RYK: variants seen among roughly 807,000 people sequenced by gnomAD.
The protein encoded by RYK is receptor like tyrosine kinase.
In RYK, 21 loss-of-function variants were observed where a neutral mutation model predicts 70.2. That is an observed-to-expected ratio of 0.30 (90% confidence interval 0.21 to 0.43). The LOEUF is 0.43. RYK is among the 20% of genes least tolerant of loss of function. The probability of loss-of-function intolerance (pLI) is 1.00; values close to 1 mark genes in which losing one functional copy is unlikely to be tolerated. For missense variants in RYK, 604 were observed against 753.3 expected (o/e 0.80, Z 2.32); for synonymous variants, 267 against 278.0 (o/e 0.96, Z 0.39).
Position 134,250,463 on chromosome 3 carries a change from C to T in RYK, c.192G>A (p.Val64=), listed in dbSNP as rs1284848246. ...ELQSASAGPS[V]SLYLSEDEVR... ...CCTCGTCCTCGCTCAGGTAGAGACT[C>T]ACGCTGGGCCCCGCGGAAGCCGACT... The change falls in exon 1 of 15, where the codon GTG becomes GTA. Residue 64 remains valine, a synonymous_variant. Transcript: ENST00000623711. 3 of 1,382,192 alleles carry T rather than the reference C, an allele frequency of 2.2e-6. No individual in the cohort carries two copies. The highest frequency in any genetic ancestry group is 1.9e-6 in the Non-Finnish European group (2 of 1,063,866). The allele number at this position is 1,382,192 out of a possible 1,614,324, so 85.6% of individuals were successfully genotyped here.
intron 1 of RYK, among the ~76,000 whole-genome samples, chr3:134,225,986 C>T (rs2014898233): frequency 6.6e-6 from 1 of 151,746 alleles, no homozygotes; most frequent in Non-Finnish European, 1.5e-5. Context: ...AGACCACATG[C>T]ATTTAAAATT....
rs1264819214 is a variant in RYK at position 134,237,821 on chromosome 3, A to G, written c.232+12602T>C. ...TCAGCCAAAACACTATTATTTTATT[A>G]TATCATCCACAGTTTCCATATGCCA... is the stretch of plus-strand genomic sequence containing the variant. On this transcript the variant is annotated intron_variant, in intron 1 of 14. Transcript: ENST00000623711. Among the ~76,000 whole-genome samples, 4 of 152,224 alleles carry G rather than the reference A, an allele frequency of 2.6e-5. No individual in the cohort carries two copies. In the East Asian group the frequency reaches 5.8e-4, roughly 22 times the overall value.
At chr3:134,235,305 A>G (rs1052107173) in intron 1 of RYK, among the ~76,000 whole-genome samples, 1 of 149,568 alleles carries the variant, frequency 6.7e-6, no homozygotes, top group Non-Finnish European at 1.5e-5. Flanking sequence ...AATATATGGC[A>G]TTTTTCTTCT....
chr3:134,238,046 A>T (rs1312381699), intron 1 of RYK, among the ~76,000 whole-genome samples: 1 of 152,248 alleles, frequency 6.6e-6, no homozygotes, highest in African/African-American at 2.4e-5. Context: ...GAAAGTAACA[A>T]GCTGAAATCG....
At chr3:134,231,935 G>A (rs545754320) in intron 1 of RYK, among the ~76,000 whole-genome samples, 2 of 152,218 alleles carry the variant, frequency 1.3e-5, no homozygotes, top group Admixed American at 6.5e-5. Flanking sequence ...GACTCCCAAT[G>A]TCCCTGAGAC....
chr3:134,222,601 A>G, intron 1 of RYK, 62 bp from the exon 2 acceptor site: 1 of 1,329,802 alleles, frequency 7.5e-7, no homozygotes, highest in Non-Finnish European at 1.0e-6. Context: ...CATCCCTATC[A>G]GTATTTCAAA....
At chr3:134,183,258 C>T in intron 9 of RYK, 187 bp from the exon 10 acceptor site, 1 of 369,666 alleles carries the variant, frequency 2.7e-6, no homozygotes, top group Admixed American at 4.5e-5. Context: ...TCAATTTTCC[C>T]AGAAATTTTT....
intron 5 of RYK, 37 bp from the exon 6 acceptor site, chr3:134,202,911 A>G: frequency 6.4e-7 from 1 of 1,573,696 alleles, no homozygotes; most frequent in East Asian, 2.2e-5. Flanking sequence ...AGCTTTTTAA[A>G]CAAATATGAC....
chr3:134,221,267 C>T (rs1293008121), intron 2 of RYK, among the ~76,000 whole-genome samples: 1 of 122,028 alleles, frequency 8.2e-6, no homozygotes, highest in Non-Finnish European at 1.6e-5. Flanking sequence ...TGCAGTGGTG[C>T]GATCTCGGCT....
At chr3:134,193,223 G>T (rs1235954475) in intron 7 of RYK, among the ~76,000 whole-genome samples, 1 of 146,098 alleles carries the variant, frequency 6.8e-6, no homozygotes, top group Non-Finnish European at 1.5e-5. Context: ...TCACTCTGTT[G>T]CCTAGGCTGG....
In RYK at chr3:134,244,821, G is replaced by A. The variant is rs73861350; in HGVS notation, c.232+5602C>T. 3.4e-3 allele frequency among the ~76,000 whole-genome samples: 520 copies of A among 152,296 alleles called. 2 individuals are homozygous for A. Among genetic ancestry groups the A allele is most frequent in the African/African-American group, 0.012 (501 of 41,554 alleles). Reference sequence around the variant, plus strand: ...GTTGAAATCCTAACCACTAAGGGATGGTATTAGCAGGTAGGGCCCTTTGGG... The same window carrying A: ...GTTGAAATCCTAACCACTAAGGGATAGTATTAGCAGGTAGGGCCCTTTGGG... On this transcript the variant is annotated intron_variant, in intron 1 of 14. Transcript: ENST00000623711.
chr3:134,232,218 C>T (rs1352749301), intron 1 of RYK, among the ~76,000 whole-genome samples: 1 of 152,160 alleles, frequency 6.6e-6, no homozygotes, highest in Non-Finnish European at 1.5e-5. Context: ...TTTCTTCTTA[C>T]AGGCCTCAAC....
intron 13 of RYK, among the ~76,000 whole-genome samples, chr3:134,167,215 C>G (rs1461934638): frequency 6.6e-6 from 1 of 151,974 alleles, no homozygotes; most frequent in African/African-American, 2.4e-5. Context: ...GGCCATACTG[C>G]CCAAGGTAAT....
Position 134,161,189 on chromosome 3 carries a change from G to T in RYK, c.1576-1816C>A, listed in dbSNP as rs558658780. 7.5e-4 allele frequency among the ~76,000 whole-genome samples: 114 copies of T among 152,266 alleles called. 1 individual carries two copies. Among genetic ancestry groups the T allele is most frequent in the Non-Finnish European group, 2.2e-4 (15 of 68,030 alleles). ...GTTTATAATATACAGAGAAGTAAAA[G>T]GTATGCCCACAACCAGTTTGAAGAC... On this transcript the variant is annotated intron_variant, in intron 13 of 14. Coordinates refer to ENST00000623711, the MANE Select transcript of RYK (RefSeq NM_002958.4).
intron 6 of RYK, 32 bp downstream of exon 6, chr3:134,202,698 A>AT (rs567930088): frequency 1.3e-5 from 20 of 1,599,826 alleles, no homozygotes; most frequent in Non-Finnish European, 1.5e-5. Context: ...AACTGCTTTC[A>AT]TTTTTTTTCT....
Position 134,157,996 on chromosome 3 carries a change from C to A in RYK, c.*157G>T. 2 of 405,586 alleles carry A rather than the reference C, an allele frequency of 4.9e-6. No individual in the cohort carries two copies. Among genetic ancestry groups the A allele is most frequent in the Non-Finnish European group, 8.7e-6 (2 of 229,906 alleles). The allele number at this position is 405,586 out of a possible 1,614,324, so 25.1% of individuals were successfully genotyped here. A position where few individuals can be genotyped will look rare whatever the true frequency, so the allele number is the denominator to read the frequency against. ...AAATATGCCACATTATTAAGTCTGT[C>A]TTAAAAAGTTCAGATTCTAAAGCAT... On this transcript the variant is annotated 3_prime_UTR_variant, in exon 15 of 15. Transcript: ENST00000623711.
chr3:134,250,589 C>T lies in RYK; in HGVS notation c.66G>A (p.Arg22=). Residue 22 remains arginine, a synonymous_variant, in exon 1 of 15, where the codon AGG becomes AGA. Transcript: ENST00000623711. ...GCAGCAGCGGCGGCGGCGGCGGGGC[C>T]CTCAGGCCGCGGGCCCCCGGGAGGC... ...RSCLPGARGL[R]APPPPPLLLL... is the part of the protein sequence containing the mutation. The T allele has an allele frequency of 9.3e-7, 1 of 1,074,652 alleles. No individual in the cohort carries two copies. Among genetic ancestry groups the T allele is most frequent in the African/African-American group, 1.7e-5 (1 of 59,024 alleles). The allele number at this position is 1,074,652 out of a possible 1,614,324, so 66.6% of individuals were successfully genotyped here.
intron 13 of RYK, among the ~76,000 whole-genome samples, chr3:134,172,256 T>G (rs890961712): frequency 6.6e-6 from 1 of 152,246 alleles, no homozygotes; most frequent in Non-Finnish European, 1.5e-5. Context: ...AAGAAAAGTT[T>G]ACTTCACTTT....
chr3:134,159,752 G>C (rs1432304796), intron 13 of RYK, among the ~76,000 whole-genome samples: 2 of 152,154 alleles, frequency 1.3e-5, no homozygotes, highest in Non-Finnish European at 2.9e-5. Context: ...TTAAAGGGAA[G>C]AGCATCCTAA....
Sources: allele counts gnomAD v4.1 joint callset (sites outside exome capture counted in the v4.1 genomes callset), GRCh38; gene constraint gnomAD v4.1.1; transcripts MANE v1.5; gene names NCBI Gene and HGNC (gene_info 2026-07-23, HGNC 2026-07-21).